ALK: variants seen among roughly 807,000 people sequenced by gnomAD.
The protein encoded by ALK is ALK receptor tyrosine kinase.
ALK carries 74 observed loss-of-function variants against 163.1 expected under a neutral mutation model. The observed-to-expected ratio is 0.45, with a 90% CI of 0.38 to 0.55. ALK has a LOEUF of 0.55. ALK is among the 20% of genes least tolerant of loss of function. The probability of loss-of-function intolerance (pLI) is 0.00; values close to 1 mark genes in which losing one functional copy is unlikely to be tolerated. For missense variants in ALK, 2,063 were observed against 2,105.3 expected, an observed-to-expected ratio of 0.98 and a Z score of 0.39; for synonymous variants, 960 against 843.2, an observed-to-expected ratio of 1.14 and a Z score of -2.40.
intron 3 of ALK, among the ~76,000 whole-genome samples, chr2:29,554,010 G>T (rs1391535418): frequency 6.6e-6 from 1 of 152,004 alleles, no homozygotes; most frequent in Non-Finnish European, 1.5e-5. Flanking sequence ...TTGCCATTTA[G>T]TTTTGTTTTT....
At chr2:29,807,722 T>G (rs1664657546) in intron 1 of ALK, among the ~76,000 whole-genome samples, 1 of 152,104 alleles carries the variant, frequency 6.6e-6, no homozygotes, top group Admixed American at 6.5e-5. Context: ...AAATGTGGAG[T>G]TAAAAGGGAA....
Position 29,717,590 on chromosome 2 carries a change from G to A in ALK, c.775C>T (p.Arg259Cys), listed in dbSNP as rs771593278. 2.1e-5 allele frequency: 34 copies of A among 1,613,862 alleles called. No individual in the cohort carries two copies. In the Admixed American group the frequency reaches 3.0e-4, roughly 14 times the overall value. The change falls in exon 2 of 29, where the codon CGC becomes TGC. Residue 259 changes from arginine to cysteine, a missense_variant. Around this residue, in one of 5 missense-constraint regions of ALK, gnomAD observed 987 missense variants for 939.5 expected, o/e 1.05. Coordinates refer to ENST00000389048, the MANE Select transcript of ALK (RefSeq NM_004304.5). ...MKDSFPFLSH[R>C]SRYGLECSFD... The stretch of plus-strand genomic sequence containing the variant: ...AACATATACTTACCATATCGGCTGC[G>A]ATGAGACAGGAAAGGGAAGGAGTCT...
chr2:29,918,808 G>A (rs1381537910), intron 1 of ALK, among the ~76,000 whole-genome samples: 1 of 152,152 alleles, frequency 6.6e-6, no homozygotes, highest in Non-Finnish European at 1.5e-5. Context: ...AGTAGCCAGT[G>A]GAGCATAAGA....
At chr2:29,491,503 G>A (rs1178055508) in intron 4 of ALK, among the ~76,000 whole-genome samples, 2 of 152,178 alleles carry the variant, frequency 1.3e-5, no homozygotes, top group African/African-American at 4.8e-5. Flanking sequence ...GGAAGGGTAA[G>A]TTCAGTTCCC....
At chr2:29,831,105 GAGGAGAAGA>G (rs1407985010) in intron 1 of ALK, among the ~76,000 whole-genome samples, 1 of 28,694 alleles carries the variant, frequency 3.5e-5, no homozygotes, top group African/African-American at 1.4e-4. Flanking sequence ...GGAGGAGGAG[GAGGAGAAGA>G]AGAAGAAGAA....
chr2:29,389,893 T>C (rs1336793142), intron 4 of ALK, among the ~76,000 whole-genome samples: 1 of 152,176 alleles, frequency 6.6e-6, no homozygotes, highest in South Asian at 2.1e-4. Flanking sequence ...AATTATGTAA[T>C]TGAGACCTGG....
At chr2:29,457,683 C>T (rs1670990466) in intron 4 of ALK, among the ~76,000 whole-genome samples, 1 of 152,132 alleles carries the variant, frequency 6.6e-6, no homozygotes, top group African/African-American at 2.4e-5. Context: ...GTCACATCTA[C>T]ATATAGAGAT....
chr2:29,394,864 C>A (rs1233348937), intron 4 of ALK, among the ~76,000 whole-genome samples: 1 of 151,950 alleles, frequency 6.6e-6, no homozygotes, highest in Non-Finnish European at 1.5e-5. Flanking sequence ...CAAGTCAATG[C>A]AGTAGGTTTT....
At position 29,614,340 on chromosome 2, in the gene ALK, C is replaced by G. The variant is rs572916172; in HGVS notation, c.952+80510G>C. On this transcript the variant is annotated intron_variant, in intron 3 of 28. Coordinates refer to ENST00000389048, the MANE Select transcript of ALK (RefSeq NM_004304.5). ...TTTGCTCAACAGGTAGAATAATCCT[C>G]ACATCACTACTGAAAGTTTCACCTA... Among the ~76,000 whole-genome samples the G allele has an allele frequency of 2.0e-4, 30 of 152,280 alleles. No individual in the cohort carries two copies. The South Asian group carries it at 5.8e-3, about 29-fold the overall frequency.
At chr2:29,212,833 G>A (rs1669500084) in intron 24 of ALK, among the ~76,000 whole-genome samples, 1 of 152,080 alleles carries the variant, frequency 6.6e-6, no homozygotes, top group Non-Finnish European at 1.5e-5. Flanking sequence ...CACCTCCCGA[G>A]TAGCTGGGAT....
At chr2:29,904,568 T>C (rs1309186069) in intron 1 of ALK, among the ~76,000 whole-genome samples, 2 of 152,176 alleles carry the variant, frequency 1.3e-5, no homozygotes, top group African/African-American at 4.8e-5. Flanking sequence ...GCTCTAACCA[T>C]GTCACAGATG....
intron 1 of ALK, among the ~76,000 whole-genome samples, chr2:29,847,863 G>A (rs1166268181): frequency 6.6e-6 from 1 of 151,620 alleles, no homozygotes; most frequent in Admixed American, 6.6e-5. Flanking sequence ...GGAAGATGAA[G>A]CAAAGGAGGA....
chr2:29,737,052 TTAAAA>T (rs2148321767), intron 1 of ALK, among the ~76,000 whole-genome samples: 1 of 152,240 alleles, frequency 6.6e-6, no homozygotes, highest in African/African-American at 2.4e-5. Flanking sequence ...TTGGGCATCC[TTAAAA>T]TAAAATCTTA....
rs544037810 is a variant in ALK at position 29,303,949 on chromosome 2, A to G, written c.1648-6892T>C. On this transcript the variant is annotated intron_variant, in intron 8 of 28. Transcript: ENST00000389048. ...GGGTAGTAAACTCACTATTTGGGTG[A>G]TGGGTGCAATAGATGCCCAAACCCC... Among the ~76,000 whole-genome samples, 24 of 152,330 alleles carry G rather than the reference A, an allele frequency of 1.6e-4. No individual in the cohort carries two copies. The East Asian group carries it at 4.6e-3, about 29-fold the overall frequency.
At chr2:29,359,104 A>T (rs1380942463) in intron 5 of ALK, among the ~76,000 whole-genome samples, 2 of 13,126 alleles carry the variant, frequency 1.5e-4, no homozygotes, top group African/African-American at 4.1e-4. Context: ...TATGGTAATT[A>T]AAAAAAAAAA....
At chr2:29,757,921 T>A (rs573872600) in intron 1 of ALK, among the ~76,000 whole-genome samples, 38 of 152,002 alleles carry the variant, frequency 2.5e-4, no homozygotes, top group Admixed American at 1.1e-3. Flanking sequence ...CAGACAGACA[T>A]GATCTCACTC....
At chr2:29,471,183 T>G (rs570371689) in intron 4 of ALK, among the ~76,000 whole-genome samples, 1 of 152,324 alleles carries the variant, frequency 6.6e-6, no homozygotes, top group East Asian at 1.9e-4. Flanking sequence ...CCAGGCCAAG[T>G]TGGCTTTATC....
rs926516566 is a variant in ALK, at chr2:29,755,983, G to A, written c.668-38286C>T. Among the ~76,000 whole-genome samples, 11 of 152,314 alleles carry A rather than the reference G, an allele frequency of 7.2e-5. No individual in the cohort carries two copies. In the South Asian group the frequency reaches 2.1e-3, roughly 29 times the overall value. On this transcript the variant is annotated intron_variant, in intron 1 of 28. Coordinates refer to ENST00000389048, the MANE Select transcript of ALK (RefSeq NM_004304.5). ...CAAGGAGGCTGCCGTTGGCCCAGAT[G>A]CACCTCAGTTGTGCTGATGTAAGCA...
intron 20 of ALK, among the ~76,000 whole-genome samples, 179 bp from the exon 21 acceptor site, chr2:29,222,786 C>A (rs1669843032): frequency 1.3e-5 from 2 of 152,200 alleles, no homozygotes. Flanking sequence ...GCTTCCAGTT[C>A]TTCACCTGAA....
Sources: allele counts gnomAD v4.1 joint callset (sites outside exome capture counted in the v4.1 genomes callset), GRCh38; gene constraint gnomAD v4.1.1; regional missense constraint gnomAD v4.1.1; transcripts MANE v1.5; gene names NCBI Gene and HGNC (gene_info 2026-07-23, HGNC 2026-07-21).